MYO16: variants seen among roughly 807,000 people sequenced by gnomAD.
The protein encoded by MYO16 is unconventional myosin-XVI.
In MYO16, 94 loss-of-function variants were observed where a neutral mutation model predicts 205.3. The ratio of observed to expected loss-of-function variants is 0.46; its 90% CI spans 0.39 to 0.54. The LOEUF is 0.54. Among genes scored for constraint, MYO16 ranks in the 20% least tolerant of loss-of-function variants. MYO16 has a pLI of 0.00. For missense variants in MYO16, 2,315 were observed against 2,387.5 expected, an observed-to-expected ratio of 0.97 and a Z score of 0.63; for synonymous variants, 988 against 954.0, an observed-to-expected ratio of 1.04 and a Z score of -0.66.
intron 1 of MYO16, among the ~76,000 whole-genome samples, chr13:108,661,780 T>C (rs1044888479): frequency 6.6e-6 from 1 of 152,182 alleles, no homozygotes; most frequent in Non-Finnish European, 1.5e-5. Flanking sequence ...GATTTCTTTT[T>C]CAGGTAAATC....
the MYO16 span, among the ~76,000 whole-genome samples, chr13:108,548,145 T>C: frequency 6.6e-6 from 1 of 152,252 alleles, no homozygotes; most frequent in East Asian, 1.9e-4. Flanking sequence ...AAATGATGTA[T>C]TCAAAAGGTA....
chr13:109,189,906 G>A (rs1464366886), intron 34 of MYO16, among the ~76,000 whole-genome samples: 3 of 146,118 alleles, frequency 2.1e-5, no homozygotes, highest in East Asian at 2.0e-4. Context: ...TCCCTACCAC[G>A]ATTTGTGTTT....
At chr13:108,791,544 G>T (rs1219110219) in intron 5 of MYO16, among the ~76,000 whole-genome samples, 1 of 152,144 alleles carries the variant, frequency 6.6e-6, no homozygotes, top group Non-Finnish European at 1.5e-5. Context: ...AGAAACAGAG[G>T]CAGAGGATAA....
chr13:108,710,729 T>C lies in MYO16; in HGVS notation c.293-1932T>C, dbSNP rs1883686984. On this transcript the variant is annotated intron_variant, in intron 2 of 34. Coordinates refer to ENST00000457511, the MANE Select transcript of MYO16 (RefSeq NM_001198950.3). The stretch of plus-strand genomic sequence containing the variant: ...AAGAATATGGATCACTGATTTCTAT[T>C]ATGTATAATTCACTGTGTGTCTGCA... 2.0e-5 allele frequency among the ~76,000 whole-genome samples: 3 copies of C among 152,210 alleles called. No individual in the cohort carries two copies. The South Asian group carries it at 6.2e-4, about 31-fold the overall frequency.
intron 33 of MYO16, among the ~76,000 whole-genome samples, chr13:109,169,257 G>C (rs1368154942): frequency 6.6e-6 from 1 of 152,188 alleles, no homozygotes; most frequent in African/African-American, 2.4e-5. Flanking sequence ...CAAATACGAT[G>C]AGTGTTAAAA....
intron 11 of MYO16, 117 bp from the exon 12 acceptor site, chr13:108,866,060 A>C (rs1461362808): frequency 8.2e-6 from 5 of 611,382 alleles, no homozygotes; most frequent in Non-Finnish European, 1.2e-5. Context: ...AAAATACTAA[A>C]GTAGATTTTT....
intron 4 of MYO16, among the ~76,000 whole-genome samples, chr13:108,737,716 A>T (rs1357107947): frequency 1.3e-5 from 2 of 152,214 alleles, no homozygotes; most frequent in Non-Finnish European, 2.9e-5. Context: ...GAATGGTACC[A>T]GCTCCTCCTT....
intron 1 of MYO16, 136 bp downstream of exon 1, chr13:108,630,008 T>C: frequency 4.8e-6 from 3 of 621,086 alleles, no homozygotes; most frequent in Non-Finnish European, 8.0e-6. Context: ...CTTAGAAGAA[T>C]ATTTTACAGG....
At chr13:108,825,578 A>AAAAATAAATAAAT (rs1555302871) in intron 9 of MYO16, among the ~76,000 whole-genome samples, 25 of 148,782 alleles carry the variant, frequency 1.7e-4, no homozygotes, top group Non-Finnish European at 2.7e-4. Flanking sequence ...ACCTAGCAAG[A>AAAAATAAATAAAT]AAATAAATAA....
intron 10 of MYO16, among the ~76,000 whole-genome samples, chr13:108,854,490 A>G (rs928307553): frequency 6.6e-6 from 1 of 152,180 alleles, no homozygotes; most frequent in Non-Finnish European, 1.5e-5. Flanking sequence ...TTTATGTTCA[A>G]ATTATTTAAC....
chr13:108,723,862 C>A (rs1037979686), intron 3 of MYO16, among the ~76,000 whole-genome samples: 1 of 151,940 alleles, frequency 6.6e-6, no homozygotes, highest in Non-Finnish European at 1.5e-5. Flanking sequence ...TAAAAAAAAA[C>A]CCTTCTGGAA....
At chr13:108,639,327 C>T (rs896838496) in intron 1 of MYO16, among the ~76,000 whole-genome samples, 1 of 152,160 alleles carries the variant, frequency 6.6e-6, no homozygotes, top group Non-Finnish European at 1.5e-5. Context: ...GTGAAAAATT[C>T]TGTGTTGCTT....
At chr13:108,549,560 G>C in the MYO16 span, among the ~76,000 whole-genome samples, 5 of 152,054 alleles carry the variant, frequency 3.3e-5, no homozygotes, top group Non-Finnish European at 7.4e-5. Context: ...ATAGAGTAAG[G>C]AGTTAGTAAA....
intron 2 of MYO16, among the ~76,000 whole-genome samples, chr13:108,672,078 G>A (rs1481921132): frequency 2.0e-5 from 3 of 151,974 alleles, no homozygotes; most frequent in African/African-American, 7.2e-5. Context: ...AAATACCCTC[G>A]TGAGTACTCA....
rs139542873 is a variant in MYO16 at position 109,055,908 on chromosome 13, A to C, written c.3335+313A>C. 1.1e-3 allele frequency: 238 copies of C among 212,130 alleles called. 2 individuals are homozygous for C. The highest frequency in any genetic ancestry group is 5.2e-3 in the African/African-American group (229 of 43,806). The allele number at this position is 212,130 out of a possible 1,614,324, so 13.1% of individuals were successfully genotyped here. On this transcript the variant is annotated intron_variant, in intron 27 of 34. Coordinates refer to ENST00000457511, the MANE Select transcript of MYO16 (RefSeq NM_001198950.3). This position sits in a 1 kb window ranked among gnomAD's most constrained non-coding sequence, Gnocchi z 5.0. The stretch of plus-strand genomic sequence containing the variant: ...ATGTGATATTTACTATTTATTATTT[A>C]AAAGGAGAATGTATGTAAGTGATTA...
rs374169349 is a variant in MYO16, at chr13:109,110,899, A to G, written c.3439-9471A>G. On this transcript the variant is annotated intron_variant, in intron 28 of 34. Transcript: ENST00000457511. Reference sequence around the variant, plus strand: ...ATATTCTACTCATCCTTGTGGTCCCAGCATCTGTGCCCTGCTGGTATGAAG... The same window carrying G: ...ATATTCTACTCATCCTTGTGGTCCCGGCATCTGTGCCCTGCTGGTATGAAG... Among the ~76,000 whole-genome samples, 13 of 152,320 alleles carry G rather than the reference A, an allele frequency of 8.5e-5. No homozygotes were observed. In the East Asian group the frequency reaches 1.4e-3, roughly 16 times the overall value.
chr13:108,729,002 G>C (rs1402563505), intron 4 of MYO16, among the ~76,000 whole-genome samples: 2 of 143,096 alleles, frequency 1.4e-5, no homozygotes, highest in African/African-American at 5.2e-5. Flanking sequence ...TTTTTTTACA[G>C]TAGAAATATA....
chr13:108,617,862 A>T lies in MYO16; in HGVS notation c.-39+21623A>T, dbSNP rs115597244. Among the ~76,000 whole-genome samples the T allele has an allele frequency of 4.3e-3, 652 of 152,164 alleles. 6 individuals are homozygous for T. Among genetic ancestry groups the T allele is most frequent in the African/African-American group, 0.015 (632 of 41,530 alleles). ...TAGATATATCATACCCAGATAATCG[A>T]TTGTCTTTCCCTTACACCATCCCCT... On this transcript the variant is annotated intron_variant, in intron 1 of 24. Transcript: ENST00000251041.
At chr13:108,534,066 T>G in the MYO16 span, among the ~76,000 whole-genome samples, 1 of 152,234 alleles carries the variant, frequency 6.6e-6, no homozygotes, top group African/African-American at 2.4e-5. Context: ...ACGCAAGAAT[T>G]GAAACGGTGC....
Sources: allele counts gnomAD v4.1 joint callset (sites outside exome capture counted in the v4.1 genomes callset), GRCh38; gene constraint gnomAD v4.1.1; non-coding constraint Gnocchi (gnomAD v3.1); transcripts MANE v1.5; gene names NCBI Gene and HGNC (gene_info 2026-07-23, HGNC 2026-07-21).